The following SGCZ variants were observed in gnomAD, a reference collection of about 807,000 sequenced individuals.
SGCZ encodes zeta-sarcoglycan.
Under a neutral mutation model 41.3 loss-of-function variants are expected in SGCZ, and 40 were observed. That is an observed-to-expected ratio of 0.97 (90% CI 0.75 to 1.26). The LOEUF is 1.26. Ranked by LOEUF, SGCZ falls within the 50% of genes most tolerant of loss-of-function variation. The pLI, the probability that SGCZ is intolerant of heterozygous loss-of-function variation, is 0.00. For synonymous variants in SGCZ, 206 were observed against 137.5 expected, an observed-to-expected ratio of 1.50 and a Z score of -3.49; for missense variants, 552 against 369.8, an observed-to-expected ratio of 1.49 and a Z score of -4.04.
At chr8:14,752,561 G>A (rs375733824) in intron 1 of SGCZ, among the ~76,000 whole-genome samples, 45 of 152,062 alleles carry the variant, frequency 3.0e-4, no homozygotes, top group South Asian at 8.3e-4. Flanking sequence ...GTGACAGTAC[G>A]CACTCTCCTG....
At chr8:14,454,003 A>G (rs1405060028) in intron 2 of SGCZ, among the ~76,000 whole-genome samples, 2 of 151,778 alleles carry the variant, frequency 1.3e-5, no homozygotes, top group Non-Finnish European at 1.5e-5. Context: ...AAAAAAAAAT[A>G]ATTGTTTTTA....
At chr8:14,973,759 C>A (rs900923387) in intron 1 of SGCZ, among the ~76,000 whole-genome samples, 1 of 152,128 alleles carries the variant, frequency 6.6e-6, no homozygotes, top group Non-Finnish European at 1.5e-5. Context: ...ATCTGAAAGA[C>A]GACACGTTTT....
chr8:14,344,588 G>C (rs1343668454), intron 2 of SGCZ, among the ~76,000 whole-genome samples: 1 of 152,002 alleles, frequency 6.6e-6, no homozygotes, highest in South Asian at 2.1e-4. Flanking sequence ...ATGCAAAAGA[G>C]AAAGGGAAAA....
chr8:15,085,446 G>C (rs529353476), intron 1 of SGCZ, among the ~76,000 whole-genome samples: 3 of 152,190 alleles, frequency 2.0e-5, no homozygotes, highest in African/African-American at 7.2e-5. Context: ...AAAACAAAAA[G>C]CCTTCTTTCC....
At chr8:14,213,316 C>T (rs1805879837) in intron 4 of SGCZ, among the ~76,000 whole-genome samples, 1 of 152,058 alleles carries the variant, frequency 6.6e-6, no homozygotes, top group African/African-American at 2.4e-5. Context: ...GAAAAGCATG[C>T]ATTACCTTTA....
At chr8:14,180,115 C>A (rs1291891602) in intron 4 of SGCZ, among the ~76,000 whole-genome samples, 1 of 152,144 alleles carries the variant, frequency 6.6e-6, no homozygotes, top group Non-Finnish European at 1.5e-5. Flanking sequence ...ACCATACAGT[C>A]TTAGAGCAAC....
intron 2 of SGCZ, among the ~76,000 whole-genome samples, chr8:14,344,198 C>G (rs1484300720): frequency 6.6e-6 from 1 of 151,788 alleles, no homozygotes; most frequent in Non-Finnish European, 1.5e-5. Context: ...AATAGGGGTA[C>G]AGAGGAATAG....
intron 2 of SGCZ, among the ~76,000 whole-genome samples, chr8:14,425,242 A>C (rs13261862): frequency 0.21 from 31,207 of 152,160 alleles, 3,785 homozygotes; most frequent in Non-Finnish European, 0.29. Context: ...ACCAGCTGAG[A>C]GTATCATCTT....
intron 2 of SGCZ, among the ~76,000 whole-genome samples, chr8:14,447,287 G>C (rs1585526307): frequency 6.6e-6 from 1 of 151,978 alleles, no homozygotes; most frequent in African/African-American, 2.4e-5. Context: ...AAAGTTGCTG[G>C]GATTTCCATG....
chr8:14,328,749 T>C (rs143946471), intron 2 of SGCZ, among the ~76,000 whole-genome samples: 1 of 152,190 alleles, frequency 6.6e-6, no homozygotes, highest in African/African-American at 2.4e-5. Context: ...AATTTAGGTG[T>C]TGAAACTTAA....
intron 1 of SGCZ, among the ~76,000 whole-genome samples, chr8:14,773,857 G>C (rs1209132574): frequency 6.6e-6 from 1 of 152,108 alleles, no homozygotes; most frequent in African/African-American, 2.4e-5. Flanking sequence ...GAAGGGAAGT[G>C]GTAGACCTAT....
At chr8:14,137,467 G>A (rs765292223) in intron 5 of SGCZ, among the ~76,000 whole-genome samples, 1 of 152,198 alleles carries the variant, frequency 6.6e-6, no homozygotes, top group Non-Finnish European at 1.5e-5. Flanking sequence ...AGAATAAACA[G>A]TGTAGAGAAG....
At chr8:14,816,956 T>A (rs1007014305) in intron 1 of SGCZ, among the ~76,000 whole-genome samples, 5 of 152,208 alleles carry the variant, frequency 3.3e-5, no homozygotes, top group Non-Finnish European at 7.3e-5. Context: ...TTAGACTGTG[T>A]CTAAGCTCAC....
chr8:14,532,522 G>A (rs558665347), intron 2 of SGCZ, among the ~76,000 whole-genome samples: 96 of 152,042 alleles, frequency 6.3e-4, no homozygotes, highest in Middle Eastern at 3.4e-3. Context: ...CGAATAAGCA[G>A]CAAGATAAAG....
chr8:15,179,709 C>T (rs549518276), intron 1 of SGCZ, among the ~76,000 whole-genome samples: 1 of 152,144 alleles, frequency 6.6e-6, no homozygotes, highest in African/African-American at 2.4e-5. Flanking sequence ...CAAAAAAGGA[C>T]AGCCTCCTCA....
chr8:14,090,470 G>A lies in SGCZ; in HGVS notation c.912C>T (p.Ser304=), dbSNP rs755776601. 3 of 1,612,714 alleles carry A rather than the reference G, an allele frequency of 1.9e-6. No individual in the cohort carries two copies. The Admixed American group carries it at 5.0e-5, about 27-fold the overall frequency. The change falls in exon 8 of 8, where the codon TCC becomes TCT. Residue 304 remains serine (S), a synonymous_variant. Coordinates refer to ENST00000382080, the MANE Select transcript of SGCZ (RefSeq NM_139167.4). ...AGCTCCACAGGCAGATGTTGCTACT[G>A]GACTGACAAGTGGAACCTACTCCTG... ...SPAGVGSTCQ[S]SSNICLWS is the part of the protein sequence containing the mutation.
chr8:14,102,404 T>C lies in SGCZ; in HGVS notation c.716A>G (p.Glu239Gly). ...CCCTTCTGTAGATTGCAGATGGAGC[T>C]CCTTCCTGCAGGTGGCCTTGAAGTC... ...AGDFKATCRKELHLQSTEGEI... is the reference protein window; with the variant it reads ...AGDFKATCRKGLHLQSTEGEI... Residue 239 changes from glutamate (E) to glycine (G), a missense_variant, in exon 7 of 8, where the codon GAG becomes GGG. Glu to Gly is a moderately conservative substitution (Grantham distance 98). Coordinates refer to ENST00000382080, the MANE Select transcript of SGCZ (RefSeq NM_139167.4). 6.6e-7 allele frequency: 1 copy of C among 1,522,946 alleles called. No individual in the cohort carries two copies. Among genetic ancestry groups the C allele is most frequent in the Non-Finnish European group, 8.9e-7 (1 of 1,122,828 alleles). 94.3% of individuals were successfully genotyped at this position (1,522,946 alleles called of 1,614,324 possible). A position where few individuals can be genotyped will look rare whatever the true frequency, so the allele number is the denominator to read the frequency against.
chr8:14,377,287 G>C (rs1439407250), intron 2 of SGCZ, among the ~76,000 whole-genome samples: 1 of 152,048 alleles, frequency 6.6e-6, no homozygotes, highest in Non-Finnish European at 1.5e-5. Context: ...TTCTACATTG[G>C]TGAACACATG....
At chr8:15,178,622 C>G (rs111921149) in intron 1 of SGCZ, among the ~76,000 whole-genome samples, 9 of 152,174 alleles carry the variant, frequency 5.9e-5, no homozygotes, top group African/African-American at 2.2e-4. Flanking sequence ...ATTCATCTTG[C>G]TCAGCTGGAA....
Sources: gnomAD v4.1 joint callset for allele counts (sites outside exome capture counted in the v4.1 genomes callset) on GRCh38, gnomAD v4.1.1 for gene constraint, MANE v1.5 for transcripts, NCBI Gene and HGNC (gene_info 2026-07-23, HGNC 2026-07-21) for gene names.